C3orf49: variants seen among roughly 807,000 people sequenced by gnomAD.
C3orf49 encodes the protein chromosome 3 open reading frame 49.
In C3orf49, 27 loss-of-function variants were observed where a neutral mutation model predicts 13.3. The observed-to-expected ratio is 2.02, with a 90% CI of 1.49 to 2.79. The LOEUF is 2.79. Among genes scored for constraint, C3orf49 ranks in the 30% most tolerant of loss-of-function variants. The probability of loss-of-function intolerance (pLI) is 0.00; values close to 1 mark genes in which losing one functional copy is unlikely to be tolerated. For missense variants in C3orf49, 242 were observed against 134.2 expected (o/e 1.80, Z -3.97); for synonymous variants, 87 against 47.6 (o/e 1.83, Z -3.40).
At position 63,823,281 on chromosome 3, in the gene C3orf49, A is replaced by C. The variant is rs745505653; in HGVS notation, c.157A>C (p.Lys53Gln). The stretch of plus-strand genomic sequence containing the variant: ...TAGAGCTGTGTCTACCAACTTACTA[A>C]AACAAAATGTATTGGTCCCTAAAGA... ...WHRAVSTNLL[K>Q]QNVLVPKEES... is the part of the protein sequence containing the mutation. The change falls in exon 2 of 7, where the codon AAA (lysine) becomes CAA (glutamine). Residue 53 changes from lysine to glutamine, a missense_variant. Coordinates refer to ENST00000295896, the MANE Select transcript of C3orf49 (RefSeq NM_001355236.2). 1 of 702,934 alleles carries C rather than the reference A, an allele frequency of 1.4e-6. No individual in the cohort carries two copies. Among genetic ancestry groups the C allele is most frequent in the Non-Finnish European group, 2.6e-6 (1 of 384,936 alleles). The allele number at this position is 702,934 out of a possible 1,614,324, so 43.5% of individuals were successfully genotyped here.
the C3orf49 span, among the ~76,000 whole-genome samples, chr3:63,812,500 T>C: frequency 2.6e-5 from 4 of 152,164 alleles, no homozygotes; most frequent in Non-Finnish European, 4.4e-5. Flanking sequence ...AGTCAAAATA[T>C]AACAAACTAA....
chr3:63,794,557 C>T, the C3orf49 span, among the ~76,000 whole-genome samples: 1 of 152,004 alleles, frequency 6.6e-6, no homozygotes, highest in East Asian at 2.0e-4. Context: ...GGCTACTTTC[C>T]TCACCTATCA....
rs1167419283 is a variant in C3orf49, at chr3:63,823,339, A to G, written c.215A>G (p.His72Arg). Reference sequence around the variant, plus strand: ...TCCAGTGATAGTGACATGGGATTTCATGAAAGCCAGCAAAATCAGAAAAGT... The same window carrying G: ...TCCAGTGATAGTGACATGGGATTTCGTGAAAGCCAGCAAAATCAGAAAAGT... ...ESSSDSDMGF[H>R]ESQQNQKSNL... The change falls in exon 2 of 7, where the codon CAT becomes CGT. Residue 72 changes from histidine (H) to arginine (R), a missense_variant. By Grantham distance (29) the His-to-Arg change is conservative. Transcript: ENST00000295896. 1 of 703,192 alleles carries G rather than the reference A, an allele frequency of 1.4e-6. No homozygotes were observed. Among genetic ancestry groups the G allele is most frequent in the African/African-American group, 1.7e-5 (1 of 57,396 alleles). The allele number at this position is 703,192 out of a possible 1,614,324, so 43.6% of individuals were successfully genotyped here.
At chr3:63,817,972 AT>A (rs1463918191), upstream of C3orf49, among the ~76,000 whole-genome samples, 1 of 152,180 alleles carries the variant, frequency 6.6e-6, no homozygotes, top group Non-Finnish European at 1.5e-5. Flanking sequence ...TCATGTATTC[AT>A]TTATTCAAGC....
chr3:63,839,639 C>G, intron 5 of C3orf49: 3 of 1,602,530 alleles, frequency 1.9e-6, no homozygotes, highest in Non-Finnish European at 2.6e-6. Context: ...ATGGAAACAA[C>G]AGTGAAAATG....
At chr3:63,820,744 T>C (rs1166541721) in intron 1 of C3orf49, among the ~76,000 whole-genome samples, 3 of 152,112 alleles carry the variant, frequency 2.0e-5, no homozygotes, top group African/African-American at 7.2e-5. Context: ...TATCTCTGGG[T>C]GAATTAGGAA....
chr3:63,832,018 AC>A (rs1248717810), intron 5 of C3orf49, 174 bp downstream of exon 5: 2 of 533,238 alleles, frequency 3.8e-6, no homozygotes, highest in South Asian at 2.6e-5. Context: ...ACATGGTGAA[AC>A]CCTGTCTCTA....
At chr3:63,785,828 A>G in the C3orf49 span, 31,667 of 151,876 alleles carry the variant, frequency 0.21, 3,261 homozygotes, top group East Asian at 0.25. Flanking sequence ...CTATCTGTTA[A>G]GTAATGATTT....
At chr3:63,836,459 G>C in intron 5 of C3orf49, 1 of 1,064,418 alleles carries the variant, frequency 9.4e-7, no homozygotes, top group Non-Finnish European at 1.4e-6. Flanking sequence ...CACTTTCCTA[G>C]TACATCAAGA....
At chr3:63,843,744 C>CA (rs1389089053) in intron 5 of C3orf49, among the ~76,000 whole-genome samples, 1 of 151,976 alleles carries the variant, frequency 6.6e-6, no homozygotes, top group East Asian at 2.0e-4. Flanking sequence ...ACTAAAAATA[C>CA]AAAAATATTA....
intron 5 of C3orf49, chr3:63,839,636 C>A (rs1413826790): frequency 1.3e-6 from 2 of 1,594,464 alleles, no homozygotes; most frequent in Non-Finnish European, 1.7e-6. Context: ...GGTATGGAAA[C>A]AACAGTGAAA....
the C3orf49 span, among the ~76,000 whole-genome samples, chr3:63,785,420 T>C: frequency 6.6e-6 from 1 of 152,088 alleles, no homozygotes; most frequent in Non-Finnish European, 1.5e-5. Flanking sequence ...ATATATCCCA[T>C]CCTCAGCTTT....
intron 5 of C3orf49, among the ~76,000 whole-genome samples, chr3:63,839,051 A>G (rs1701698514): frequency 6.6e-6 from 1 of 152,132 alleles, no homozygotes; most frequent in Non-Finnish European, 1.5e-5. Context: ...TTAGTCAGTC[A>G]TGGTGTTGCA....
chr3:63,803,193 T>C, the C3orf49 span, among the ~76,000 whole-genome samples: 1 of 152,330 alleles, frequency 6.6e-6, no homozygotes, highest in African/African-American at 2.4e-5. Context: ...TAGTGGTTTC[T>C]TAAGTGTGGG....
the C3orf49 span, among the ~76,000 whole-genome samples, chr3:63,780,539 T>A: frequency 1.3e-5 from 2 of 152,212 alleles, no homozygotes; most frequent in South Asian, 2.1e-4. Flanking sequence ...TATTTCTAGT[T>A]CTAGATCCCT....
At chr3:63,785,544 G>A in the C3orf49 span, among the ~76,000 whole-genome samples, 1 of 152,094 alleles carries the variant, frequency 6.6e-6, no homozygotes, top group Non-Finnish European at 1.5e-5. Context: ...ACTGAAAAGG[G>A]TGTTCATAAA....
upstream of C3orf49, among the ~76,000 whole-genome samples, chr3:63,815,472 T>C (rs922931299): frequency 5.3e-5 from 8 of 152,202 alleles, no homozygotes; most frequent in Admixed American, 2.0e-4. Flanking sequence ...TAAAAACGTA[T>C]GCATAACTAT....
chr3:63,799,381 T>C, the C3orf49 span, among the ~76,000 whole-genome samples: 232 of 152,260 alleles, frequency 1.5e-3, 1 homozygote, highest in African/African-American at 4.7e-3. Flanking sequence ...TTTTGTATGA[T>C]TCAAGTTGCC....
At chr3:63,792,517 T>C in the C3orf49 span, among the ~76,000 whole-genome samples, 18 of 152,306 alleles carry the variant, frequency 1.2e-4, no homozygotes, top group Admixed American at 2.6e-4. Flanking sequence ...CCCCTTTCTC[T>C]TGGTGTCACA....
Sources: allele counts gnomAD v4.1 joint callset (sites outside exome capture counted in the v4.1 genomes callset), GRCh38; gene constraint gnomAD v4.1.1; transcripts MANE v1.5; gene names NCBI Gene and HGNC (gene_info 2026-07-23, HGNC 2026-07-21).